The following EIF1 variants were observed in gnomAD, a reference collection of about 807,000 sequenced individuals.
The protein encoded by EIF1 is protein translation factor SUI1 homolog.
Under a neutral mutation model 13.7 loss-of-function variants are expected in EIF1, and 4 were observed. That is an observed-to-expected ratio of 0.29 (90% CI 0.14 to 0.67). The LOEUF is 0.67. Among genes scored for constraint, EIF1 ranks in the 30% least tolerant of loss-of-function variants. EIF1 has a pLI of 0.77. For synonymous variants in EIF1, 67 were observed against 50.7 expected, an observed-to-expected ratio of 1.32 and a Z score of -1.37; for missense variants, 64 against 138.0, an observed-to-expected ratio of 0.46 and a Z score of 2.69.
At chr17:41,689,484 G>A (rs948982702) in intron 1 of EIF1, 2 of 455,672 alleles carry the variant, frequency 4.4e-6, no homozygotes, top group African/African-American at 4.0e-5. Flanking sequence ...CGGGAGCTCG[G>A]GTTCCGGCGG....
chr17:41,688,962 C>T lies in EIF1; in HGVS notation c.-77C>T, dbSNP rs1202605534. 5 of 1,507,320 alleles carry T rather than the reference C, an allele frequency of 3.3e-6. No homozygotes were observed. The highest frequency in any genetic ancestry group is 4.6e-6 in the Non-Finnish European group (5 of 1,089,704). 93.4% of individuals were successfully genotyped at this position (1,507,320 alleles called of 1,614,324 possible). On this transcript the variant is annotated 5_prime_UTR_variant, in exon 1 of 4. Transcript: ENST00000469257. ...CCTCGCTTCCCGACGTTCCGTTCCCCCCTGCCCGCCTTCTCCCGCCACCGC... is the reference window on the plus strand; with the variant it reads ...CCTCGCTTCCCGACGTTCCGTTCCCTCCTGCCCGCCTTCTCCCGCCACCGC...
At chr17:41,690,748 C>A (rs1159100962) in intron 3 of EIF1, 34 bp from the exon 4 acceptor site, 3 of 1,612,668 alleles carry the variant, frequency 1.9e-6, no homozygotes, top group Non-Finnish European at 2.5e-6. Flanking sequence ...TCTCCCTGTC[C>A]CCCATTTAAA....
At chr17:41,689,168 A>G in intron 1 of EIF1, 99 bp downstream of exon 1, 1 of 1,378,882 alleles carries the variant, frequency 7.3e-7, no homozygotes. Flanking sequence ...GGGCCTTCGT[A>G]AGCTCGGGCA....
intron 1 of EIF1, 140 bp downstream of exon 1, chr17:41,689,209 G>A (rs555412412): frequency 8.9e-6 from 9 of 1,005,620 alleles, no homozygotes; most frequent in Non-Finnish European, 1.4e-5. Flanking sequence ...GCAGGGCAGC[G>A]GGATCAAGGC....
In EIF1 at chr17:41,689,004, A is replaced by C; in HGVS notation, c.-35A>C. 6.2e-7 allele frequency: 1 copy of C among 1,612,188 alleles called. No individual in the cohort carries two copies. The highest frequency in any genetic ancestry group is 8.5e-7 in the Non-Finnish European group (1 of 1,179,524). On this transcript the variant is annotated 5_prime_UTR_variant, in exon 1 of 4. Coordinates refer to ENST00000469257, the MANE Select transcript of EIF1 (RefSeq NM_005801.4). ...CGCCACCGCCGCCGCCGCCTTCCGC[A>C]GGCCGTTTCCACCGAGGAAAAGGAA...
rs1910400309 is a variant in EIF1, at chr17:41,692,195, G to A, written c.*1369G>A. 6.6e-6 allele frequency: 1 copy of A among 152,256 alleles called. No individual in the cohort carries two copies. The highest frequency in any genetic ancestry group is 2.4e-5 in the African/African-American group (1 of 41,452). The allele number at this position is 152,256 out of a possible 1,614,324, so 9.4% of individuals were successfully genotyped here. ...TGGAAATCTTGGCGCCCCCTCAGTA[G>A]TAACAGCCTTGGTTTAAGGGCGCAG... On this transcript the variant is annotated 3_prime_UTR_variant, in exon 4 of 4. Transcript: ENST00000469257.
In EIF1 at chr17:41,690,837, C is replaced by G. The variant is rs765166479; in HGVS notation, c.*11C>G. On this transcript the variant is annotated 3_prime_UTR_variant, in exon 4 of 4. Transcript: ENST00000469257. Reference sequence around the variant, plus strand: ...GTTCATGGGTTTTAAGTGCTTGTGGCTCACTGAAGCTTAAGTGAGGATTTC... The same window carrying G: ...GTTCATGGGTTTTAAGTGCTTGTGGGTCACTGAAGCTTAAGTGAGGATTTC... The G allele has an allele frequency of 6.2e-7, 1 of 1,613,158 alleles. No individual in the cohort carries two copies. Among genetic ancestry groups the G allele is most frequent in the Admixed American group, 1.7e-5 (1 of 59,974 alleles).
intron 1 of EIF1, 30 bp downstream of exon 1, chr17:41,689,099 G>C (rs777191224): frequency 8.1e-6 from 13 of 1,612,552 alleles, no homozygotes; most frequent in Non-Finnish European, 1.0e-5. Context: ...GCGGGCCCGG[G>C]TGGGGCAGCG....
At position 41,691,129 on chromosome 17, in the gene EIF1, A is replaced by G; in HGVS notation, c.*303A>G. The G allele has an allele frequency of 1.9e-6, 1 of 530,194 alleles. No homozygotes were observed. Among genetic ancestry groups the G allele is most frequent in the Non-Finnish European group, 3.4e-6 (1 of 296,922 alleles). 32.8% of individuals were successfully genotyped at this position (530,194 alleles called of 1,614,324 possible). A position where few individuals can be genotyped will look rare whatever the true frequency, so the allele number is the denominator to read the frequency against. ...CAGAGCCCTAAGATTACAAACAACTATGGCCGGAACCTCCTCAGCTCTCCC... is the reference window on the plus strand; with the variant it reads ...CAGAGCCCTAAGATTACAAACAACTGTGGCCGGAACCTCCTCAGCTCTCCC... On this transcript the variant is annotated 3_prime_UTR_variant, in exon 4 of 4. Coordinates refer to ENST00000469257, the MANE Select transcript of EIF1 (RefSeq NM_005801.4).
In EIF1 at chr17:41,689,069, G is replaced by A. The variant is rs1200585423; in HGVS notation, c.31G>A (p.Asp11Asn). The A allele has an allele frequency of 6.2e-7, 1 of 1,613,696 alleles. No individual in the cohort carries two copies. The highest frequency in any genetic ancestry group is 1.1e-5 in the South Asian group (1 of 91,074). The change falls in exon 1 of 4, where the codon GAC becomes AAC. Residue 11 changes from aspartate (D) to asparagine (N), a missense_variant and splice_region_variant. Asp to Asn is a conservative substitution (Grantham distance 23). Transcript: ENST00000469257. MSAIQNLHSF[D>N]PFADASKGDD... ...CGCTATCCAGAACCTCCACTCTTTC[G>A]GTAAGCTATGGGAAAGGTCGCGGGC...
At chr17:41,690,523 G>A (rs1910342226) in intron 3 of EIF1, 3 of 562,530 alleles carry the variant, frequency 5.3e-6, no homozygotes, top group Non-Finnish European at 9.4e-6. Flanking sequence ...CTAAAATACT[G>A]TTACATGATC....
chr17:41,689,924 G>C lies in EIF1; in HGVS notation c.178G>C (p.Val60Leu), dbSNP rs1264037897. ...IADDYDKKKL[V>L]KAFKKKFACN... ...TGATGATTACGATAAAAAGAAACTA[G>C]TGAAGGCGTTTAAGAAAGTAGGTCT... Residue 60 changes from valine (V) to leucine (L), a missense_variant, in exon 2 of 4, where the codon GTG becomes CTG. This residue lies in a region of EIF1 where 35 missense variants were observed against 103.4 expected (regional missense o/e 0.34). Transcript: ENST00000469257. 3 of 1,610,760 alleles carry C rather than the reference G, an allele frequency of 1.9e-6. No homozygotes were observed. Among genetic ancestry groups the C allele is most frequent in the Middle Eastern group, 1.7e-4 (1 of 6,052 alleles).
rs925808881 is a variant in EIF1, at chr17:41,688,907, C to G, written c.-132C>G. The G allele has an allele frequency of 6.8e-6, 6 of 883,596 alleles. No homozygotes were observed. The highest frequency in any genetic ancestry group is 5.0e-5 in the African/African-American group (3 of 60,332). 54.7% of individuals were successfully genotyped at this position (883,596 alleles called of 1,614,324 possible). On this transcript the variant is annotated 5_prime_UTR_variant, in exon 1 of 4. Coordinates refer to ENST00000469257, the MANE Select transcript of EIF1 (RefSeq NM_005801.4). ...TCTGCCCCAGTCACTGAGCCGCCGC[C>G]GAGGATTCAGCAGCCTCCCCCTTGA...
rs748378272 is a variant in EIF1, at chr17:41,689,787, C to T, written c.41C>T (p.Ala14Val). ...TAACCTTTTTTTTCAGACCCCTTTG[C>T]TGATGCAAGTAAGGGTGATGACCTG... ...IQNLHSFDPF[A>V]DASKGDDLLP... The change falls in exon 2 of 4, where the codon GCT (alanine) becomes GTT (valine). Residue 14 changes from alanine to valine, a missense_variant. By Grantham distance (64) the Ala-to-Val change is moderately conservative (BLOSUM62 0). This residue lies in a region of EIF1 where 29 missense variants were observed against 34.7 expected (regional missense o/e 0.84). Transcript: ENST00000469257. 8 of 1,599,642 alleles carry T rather than the reference C, an allele frequency of 5.0e-6. No homozygotes were observed. Among genetic ancestry groups the T allele is most frequent in the South Asian group, 1.1e-5 (1 of 89,156 alleles).
rs550135766 is a variant in EIF1, at chr17:41,689,428, G to A, written c.32-350G>A. ...GAGGGAAAGGCGGTGCCAGCCCTAA[G>A]TGGCAAGCGGGTGCACCAATGGGGG... On this transcript the variant is annotated intron_variant, in intron 1 of 3. Coordinates refer to ENST00000469257, the MANE Select transcript of EIF1 (RefSeq NM_005801.4). 3.4e-4 allele frequency: 168 copies of A among 491,850 alleles called. 3 individuals are homozygous for A. Among genetic ancestry groups the A allele is most frequent in the South Asian group, 2.7e-3 (105 of 38,246 alleles). The allele number at this position is 491,850 out of a possible 1,614,324, so 30.5% of individuals were successfully genotyped here.
chr17:41,691,202 T>G lies in EIF1; in HGVS notation c.*376T>G. ...GAGAATGTTACCACCTGAACAGTCC[T>G]CGGTGAATCTGAGAGGAGAGGATGG... On this transcript the variant is annotated 3_prime_UTR_variant, in exon 4 of 4. Coordinates refer to ENST00000469257, the MANE Select transcript of EIF1 (RefSeq NM_005801.4). The G allele has an allele frequency of 4.9e-6, 2 of 405,690 alleles. 1 individual carries two copies. 25.1% of individuals were successfully genotyped at this position (405,690 alleles called of 1,614,324 possible). A position where few individuals can be genotyped will look rare whatever the true frequency, so the allele number is the denominator to read the frequency against.
In EIF1 at chr17:41,689,048, A is replaced by T; in HGVS notation, c.10A>T (p.Ile4Phe). The T allele has an allele frequency of 6.2e-7, 1 of 1,613,588 alleles. No homozygotes were observed. Among genetic ancestry groups the T allele is most frequent in the Non-Finnish European group, 8.5e-7 (1 of 1,179,884 alleles). ...AAAGGAATCGTATCGTATGTCCGCT[A>T]TCCAGAACCTCCACTCTTTCGGTAA... MSAIQNLHSFDPFA... is the reference protein window; with the variant it reads MSAFQNLHSFDPFA... The change falls in exon 1 of 4, where the codon ATC (isoleucine) becomes TTC (phenylalanine). Residue 4 changes from isoleucine to phenylalanine, a missense_variant. Ile to Phe is a conservative substitution (Grantham distance 21, BLOSUM62 0). Transcript: ENST00000469257.
intron 3 of EIF1, 160 bp downstream of exon 3, chr17:41,690,349 G>C (rs1394353890): frequency 1.7e-6 from 1 of 604,068 alleles, no homozygotes; most frequent in African/African-American, 1.9e-5. Context: ...ATAGGAAAAA[G>C]CAGAAGGGAC....
Position 41,691,797 on chromosome 17 carries a change from A to C in EIF1, c.*971A>C, listed in dbSNP as rs1249705854. ...TTTATGAGCTTGTCCCTCTCTGGTC[A>C]ACTGGTTTTTTGTTCGTTTGTTTTT... is the stretch of plus-strand genomic sequence containing the variant. On this transcript the variant is annotated 3_prime_UTR_variant, in exon 4 of 4. Transcript: ENST00000469257. 1 of 152,414 alleles carries C rather than the reference A, an allele frequency of 6.6e-6. No individual in the cohort carries two copies. Among genetic ancestry groups the C allele is most frequent in the Non-Finnish European group, 1.5e-5 (1 of 68,036 alleles). 9.4% of individuals were successfully genotyped at this position (152,414 alleles called of 1,614,324 possible). A position where few individuals can be genotyped will look rare whatever the true frequency, so the allele number is the denominator to read the frequency against.
Sources: allele counts gnomAD v4.1 joint callset, GRCh38; gene constraint gnomAD v4.1.1; regional missense constraint gnomAD v4.1.1; transcripts MANE v1.5; gene names NCBI Gene and HGNC (gene_info 2026-07-23, HGNC 2026-07-21).